PLCD1: variants seen among roughly 807,000 people sequenced by gnomAD.
PLCD1 encodes the protein 1-phosphatidylinositol 4,5-bisphosphate phosphodiesterase delta-1.
PLCD1 carries 71 observed loss-of-function variants against 87.4 expected under a neutral mutation model. The ratio of observed to expected loss-of-function variants is 0.81; its 90% CI spans 0.67 to 0.99. PLCD1 has a LOEUF of 0.99. Among genes scored for constraint, PLCD1 ranks in the 50% least tolerant of loss-of-function variants. The pLI is 0.00. For missense variants in PLCD1, 867 were observed against 1,001.5 expected (o/e 0.87, Z 1.81); for synonymous variants, 348 against 399.2 (o/e 0.87, Z 1.53).
At position 38,029,519 on chromosome 3, in the gene PLCD1, G is replaced by C; in HGVS notation, c.21C>G (p.Phe7Leu). Reference protein sequence around the residue: MDSGRDFLTLHGLQDDE... With the variant: MDSGRDLLTLHGLQDDE... ...CCAGGCACTCACCGTGCAGGGTCAG[G>C]AAGTCCCGGCCCGAGTCCATGCCCG... Residue 7 changes from phenylalanine (F) to leucine (L), a missense_variant, in exon 1 of 15, where the codon TTC (phenylalanine) becomes TTG (leucine). Coordinates refer to ENST00000334661, the MANE Select transcript of PLCD1 (RefSeq NM_006225.4). 1.3e-6 allele frequency: 2 copies of C among 1,539,224 alleles called. No homozygotes were observed. Among genetic ancestry groups the C allele is most frequent in the Non-Finnish European group, 1.7e-6 (2 of 1,146,540 alleles).
Position 38,008,122 on chromosome 3 carries a change from C to T in PLCD1, c.2077G>A (p.Val693Ile), listed in dbSNP as rs1360603774. Residue 693 changes from valine (V) to isoleucine (I), a missense_variant, in exon 14 of 15, where the codon GTT becomes ATT. By Grantham distance (29) the Val-to-Ile change is conservative. Coordinates refer to ENST00000334661, the MANE Select transcript of PLCD1 (RefSeq NM_006225.4). The part of the protein sequence containing the change: ...WWDTEFAFEV[V>I]VPDLALIRFL... ...CGGATGAGGGCAAGGTCAGGCACAA[C>T]TACCTCAAACGCAAACTCCGTGTCC... 6.2e-6 allele frequency: 10 copies of T among 1,614,018 alleles called. No individual in the cohort carries two copies. Among genetic ancestry groups the T allele is most frequent in the African/African-American group, 5.3e-5 (4 of 74,918 alleles).
At chr3:38,024,842 G>A in intron 1 of PLCD1, 1 of 787,038 alleles carries the variant, frequency 1.3e-6, no homozygotes, top group Non-Finnish European at 1.7e-6. Context: ...CATCCAAGAG[G>A]GGTGGGACTA....
In PLCD1 at chr3:38,017,940, G is replaced by T. The variant is rs1368701901; in HGVS notation, c.200-1221C>A. ...CCCACACGGCCGCACACAGGGTGCAGCTGCAGCTGCCTGGGTCAGGAATGA... is the reference window on the plus strand; with the variant it reads ...CCCACACGGCCGCACACAGGGTGCATCTGCAGCTGCCTGGGTCAGGAATGA... On this transcript the variant is annotated intron_variant, in intron 2 of 14. Coordinates refer to ENST00000334661, the MANE Select transcript of PLCD1 (RefSeq NM_006225.4). The surrounding 1 kb of genome is among the most constrained non-coding windows in gnomAD (Gnocchi z 4.7). Among the ~76,000 whole-genome samples, 3 of 152,108 alleles carry T rather than the reference G, an allele frequency of 2.0e-5. No homozygotes were observed. The highest frequency in any genetic ancestry group is 7.2e-5 in the African/African-American group (3 of 41,428).
chr3:38,008,404 T>C, intron 12 of PLCD1, 37 bp from the exon 13 acceptor site: 1 of 1,613,948 alleles, frequency 6.2e-7, no homozygotes, highest in Non-Finnish European at 8.5e-7. Flanking sequence ...AGTTCAGGAG[T>C]GGTAGCGGGG....
At chr3:38,024,335 A>C (rs556713980) in intron 1 of PLCD1, 3 of 1,611,734 alleles carry the variant, frequency 1.9e-6, no homozygotes, top group Non-Finnish European at 2.5e-6. Context: ...TGCGCCCCTT[A>C]CCCAGCCTCC....
At position 38,018,437 on chromosome 3, in the gene PLCD1, T is replaced by C. The variant is rs1022677301; in HGVS notation, c.200-1718A>G. On this transcript the variant is annotated intron_variant, in intron 2 of 14. Transcript: ENST00000334661. The surrounding 1 kb of genome is among the most constrained non-coding windows in gnomAD (Gnocchi z 5.7). ...TCCCACTCATGCCTGTTCCTCCTCC[T>C]CACCCTGCACCTTGGCTCACACTGG... is the stretch of plus-strand genomic sequence containing the variant. Among the ~76,000 whole-genome samples, 2 of 151,996 alleles carry C rather than the reference T, an allele frequency of 1.3e-5. No individual in the cohort carries two copies.
At chr3:38,016,744 G>C in intron 2 of PLCD1, 25 bp from the exon 3 acceptor site, 1 of 1,474,626 alleles carries the variant, frequency 6.8e-7, no homozygotes, top group Non-Finnish European at 9.3e-7. Flanking sequence ...TGGTGGAGGA[G>C]AGAGGGAGAG....
intron 3 of PLCD1, among the ~76,000 whole-genome samples, chr3:38,012,026 C>CTTT (rs1193372924): frequency 7.1e-6 from 1 of 139,882 alleles, no homozygotes; most frequent in Non-Finnish European, 1.5e-5. Context: ...TCTGGTTTTC[C>CTTT]TTTTCTTTTT....
Position 38,020,242 on chromosome 3 carries a change from T to G in PLCD1, c.145A>C (p.Lys49Gln), listed in dbSNP as rs768830954. ...TTGCGGGACTCCTGCCAGATGGTCT[T>G]GCAGTCCTCCTGCAACTTGTAGAAG... ...ERFYKLQEDC[K>Q]TIWQESRKVM... Residue 49 changes from lysine to glutamine, a missense_variant, in exon 2 of 15, where the codon AAG (lysine) becomes CAG (glutamine). Lys to Gln is a moderately conservative substitution (Grantham distance 53). Coordinates refer to ENST00000334661, the MANE Select transcript of PLCD1 (RefSeq NM_006225.4). 1 of 1,614,136 alleles carries G rather than the reference T, an allele frequency of 6.2e-7. No individual in the cohort carries two copies.
intron 1 of PLCD1, chr3:38,024,320 T>A: frequency 6.2e-7 from 1 of 1,600,500 alleles, no homozygotes; most frequent in Non-Finnish European, 8.5e-7. Context: ...GATCTCGGAG[T>A]GCTCTGCGCC....
intron 2 of PLCD1, among the ~76,000 whole-genome samples, 156 bp from the exon 3 acceptor site, chr3:38,016,875 G>A (rs1700164776): frequency 6.6e-6 from 1 of 152,208 alleles, no homozygotes; most frequent in Non-Finnish European, 1.5e-5. Flanking sequence ...AAAGGAGAGG[G>A]GCAGGAGGTT....
chr3:38,008,477 C>T lies in PLCD1; in HGVS notation c.1883G>A (p.Arg628Gln), dbSNP rs372093444. 48 of 1,614,100 alleles carry T rather than the reference C, an allele frequency of 3.0e-5. No individual in the cohort carries two copies. The highest frequency in any genetic ancestry group is 1.2e-4 in the Admixed American group (7 of 60,014). Residue 628 changes from arginine to glutamine, a missense_variant, in exon 12 of 15, where the codon CGG becomes CAG. Physicochemically the swap from Arg to Gln is conservative, Grantham distance 43. Transcript: ENST00000334661. Reference protein sequence around the residue: ...RALAQGPWWARKRLNIRVISG... With the variant: ...RALAQGPWWAQKRLNIRVISG... The stretch of plus-strand genomic sequence containing the variant: ...GCGTACCCTGATGTTGAGCCGCTTC[C>T]GTGCCCACCAGGGCCCCTGAGCCAG...
In PLCD1 at chr3:38,010,625, C is replaced by A. The variant is rs1700058213; in HGVS notation, c.791-63G>T. 3.6e-6 allele frequency: 5 copies of A among 1,389,586 alleles called. No homozygotes were observed. The Admixed American group carries it at 5.8e-5, about 16-fold the overall frequency. The allele number at this position is 1,389,586 out of a possible 1,614,324, so 86.1% of individuals were successfully genotyped here. The stretch of plus-strand genomic sequence containing the variant: ...TCCAGCAGGCGCTCCTGGCTGCCCA[C>A]CCATCTGGACAGAGGAGCCCTCTGA... On this transcript the variant is annotated intron_variant, in intron 5 of 14. Transcript: ENST00000334661.
In PLCD1 at chr3:38,009,799, T is replaced by A. The variant is rs1575346823; in HGVS notation, c.1300A>T (p.Lys434Ter). 3.1e-6 allele frequency: 5 copies of A among 1,613,924 alleles called. No homozygotes were observed. In the East Asian group the frequency reaches 1.1e-4, roughly 36 times the overall value. Residue 434 changes from lysine (K) to a stop codon, truncating the protein, a stop_gained, in exon 9 of 15, where the codon AAG (lysine) becomes TAG (stop). Transcript: ENST00000334661. LOFTEE classifies it high-confidence loss of function. Reference sequence around the variant, plus strand: ...AGCTTCTTCCCCTTCAGCAGGATCTTCCCCTTCAGTTGCTAGGTGGGGAGG... The same window carrying A: ...AGCTTCTTCCCCTTCAGCAGGATCTACCCCTTCAGTTGCTAGGTGGGGAGG... ...SLPSPEQLKG[K>*]ILLKGKKLGG...
rs769126654 is a variant in PLCD1, at chr3:38,008,511, G to A, written c.1849C>T (p.Pro617Ser). ...CAGGGCCCCTGAGCCAGGGCGCGGG[G>A]GTTAAAGGTGCCGTTGGGGTCTCGC... is the stretch of plus-strand genomic sequence containing the variant. ...FLRDPNGTFN[P>S]RALAQGPWWA... is the part of the protein sequence containing the mutation. Residue 617 changes from proline to serine, a missense_variant, in exon 12 of 15, where the codon CCC (proline) becomes TCC (serine). Transcript: ENST00000334661. 1.2e-5 allele frequency: 20 copies of A among 1,614,090 alleles called. No individual in the cohort carries two copies. The Admixed American group carries it at 3.2e-4, about 26-fold the overall frequency.
chr3:38,009,285 CA>C lies in PLCD1; in HGVS notation c.1592del (p.Leu531ArgfsTer17). The C allele has an allele frequency of 6.2e-7, 1 of 1,614,154 alleles. No homozygotes were observed. The highest frequency in any genetic ancestry group is 8.5e-7 in the Non-Finnish European group (1 of 1,180,026). ...ASFSENRALR[L>X]LQESGNGFVR... ...GCCAGGCCTCACCTGATTCTTGGAGCAGTCGAAGGGCACGGTTCTCAGAGAA... is the reference window on the plus strand; with the variant it reads ...GCCAGGCCTCACCTGATTCTTGGAGCGTCGAAGGGCACGGTTCTCAGAGAA... On this transcript the variant is annotated frameshift_variant, in exon 10 of 15. Coordinates refer to ENST00000334661, the MANE Select transcript of PLCD1 (RefSeq NM_006225.4). LOFTEE classifies it high-confidence loss of function.
Position 38,008,057 on chromosome 3 carries a change from G to C in PLCD1, c.2142C>G (p.Asp714Glu), listed in dbSNP as rs985108155. ...AGGGGATGGTACTCTGGCCAATGAA[G>C]TCATTCTTGGAGGAGGCATCATAAT... ...VEDYDASSKN[D>E]FIGQSTIPLN... Residue 714 changes from aspartate (D) to glutamate (E), a missense_variant, in exon 14 of 15, where the codon GAC becomes GAG. Asp to Glu is a conservative substitution (Grantham distance 45, BLOSUM62 2). Transcript: ENST00000334661. 6 of 1,614,090 alleles carry C rather than the reference G, an allele frequency of 3.7e-6. 1 individual carries two copies. The highest frequency in any genetic ancestry group is 3.3e-5 in the South Asian group (3 of 91,092).
At position 38,020,288 on chromosome 3, in the gene PLCD1, G is replaced by T. The variant is rs567937947; in HGVS notation, c.99C>A (p.Ser33=). 429 of 1,613,952 alleles carry T rather than the reference G, an allele frequency of 2.7e-4. 5 individuals carry two copies. The South Asian group carries it at 4.5e-3, about 17-fold the overall frequency. ...LKGSQLLKVK[S]SSWRRERFYK... ...AGAAGCGCTCTCTCCTCCATGAGCT[G>T]GACTTCACCTTCAGGAGCTGGCTGC... is the stretch of plus-strand genomic sequence containing the variant. Residue 33 remains serine, a synonymous_variant, in exon 2 of 15, where the codon TCC becomes TCA. Coordinates refer to ENST00000334661, the MANE Select transcript of PLCD1 (RefSeq NM_006225.4).
At position 38,010,252 on chromosome 3, in the gene PLCD1, C is replaced by A. The variant is rs2125544142; in HGVS notation, c.1016G>T (p.Cys339Phe). ...YIRALCKGCR[C>F]LELDCWDGPN... Reference sequence around the variant, plus strand: ...CCCGTCCCAGCAGTCAAGCTCCAGGCATCGGCAGCCTTTGCACAGTGCCCT... The same window carrying A: ...CCCGTCCCAGCAGTCAAGCTCCAGGAATCGGCAGCCTTTGCACAGTGCCCT... The change falls in exon 7 of 15, where the codon TGC becomes TTC. Residue 339 changes from cysteine (C) to phenylalanine (F), a missense_variant. By Grantham distance (205) the Cys-to-Phe change is radical. Transcript: ENST00000334661. 1 of 1,614,232 alleles carries A rather than the reference C, an allele frequency of 6.2e-7. No homozygotes were observed.
Sources: allele counts gnomAD v4.1 joint callset (sites outside exome capture counted in the v4.1 genomes callset), GRCh38; gene constraint gnomAD v4.1.1; non-coding constraint Gnocchi (gnomAD v3.1); transcripts MANE v1.5; gene names NCBI Gene and HGNC (gene_info 2026-07-23, HGNC 2026-07-21).